The following LRMDA variants were observed in gnomAD, a reference collection of about 807,000 sequenced individuals.
LRMDA encodes leucine rich melanocyte differentiation associated.
Under a neutral mutation model 29.8 loss-of-function variants are expected in LRMDA, and 18 were observed. That is an observed-to-expected ratio of 0.60 (90% CI 0.42 to 0.90). The LOEUF is 0.90. LRMDA is among the 40% of genes least tolerant of loss of function. LRMDA has a pLI of 0.00. For synonymous variants in LRMDA, 125 were observed against 109.4 expected, an observed-to-expected ratio of 1.14 and a Z score of -0.89; for missense variants, 273 against 273.9, an observed-to-expected ratio of 1.00 and a Z score of 0.02.
At chr10:76,291,909 C>T (rs938537513) in intron 5 of LRMDA, among the ~76,000 whole-genome samples, 6 of 123,324 alleles carry the variant, frequency 4.9e-5, no homozygotes, top group Non-Finnish European at 8.3e-5. Flanking sequence ...TACACCCACA[C>T]GTGCACACAC....
chr10:75,654,057 C>T (rs1841636386), intron 2 of LRMDA, among the ~76,000 whole-genome samples: 1 of 149,592 alleles, frequency 6.7e-6, no homozygotes, highest in Admixed American at 6.6e-5. Flanking sequence ...CCCTCGTGAT[C>T]AGGCACTGCC....
intron 2 of LRMDA, among the ~76,000 whole-genome samples, chr10:75,569,862 A>G (rs1294673434): frequency 1.3e-5 from 2 of 152,214 alleles, no homozygotes; most frequent in African/African-American, 4.8e-5. Context: ...CCACATTTTA[A>G]TGTCTTTGCT....
At chr10:75,982,733 A>G (rs1335946889) in intron 2 of LRMDA, among the ~76,000 whole-genome samples, 1 of 152,190 alleles carries the variant, frequency 6.6e-6, no homozygotes, top group East Asian at 1.9e-4. Flanking sequence ...TGAGATTATT[A>G]TTACATGGTA....
intron 2 of LRMDA, among the ~76,000 whole-genome samples, chr10:75,792,045 G>A (rs903738935): frequency 7.3e-5 from 11 of 151,724 alleles, no homozygotes; most frequent in Admixed American, 5.2e-4. Flanking sequence ...ATTTTTAGTA[G>A]AGATGGGGTT....
At chr10:75,784,764 C>T (rs1261065500) in intron 2 of LRMDA, among the ~76,000 whole-genome samples, 1 of 151,238 alleles carries the variant, frequency 6.6e-6, no homozygotes, top group African/African-American at 2.4e-5. Context: ...TCAACAGTCT[C>T]AAAGGAAGAA....
chr10:76,036,939 C>T (rs768746701), intron 3 of LRMDA, among the ~76,000 whole-genome samples: 1 of 152,168 alleles, frequency 6.6e-6, no homozygotes, highest in Non-Finnish European at 1.5e-5. Flanking sequence ...CTGTTCTTCA[C>T]ACTAAGAATA....
intron 6 of LRMDA, among the ~76,000 whole-genome samples, chr10:76,352,246 G>A (rs1049265986): frequency 9.9e-5 from 15 of 152,022 alleles, no homozygotes; most frequent in Non-Finnish European, 2.2e-4. Context: ...TTATTTTTTT[G>A]TGTGTACATT....
chr10:76,470,140 C>G (rs563604194), intron 6 of LRMDA, among the ~76,000 whole-genome samples: 110 of 152,110 alleles, frequency 7.2e-4, no homozygotes, highest in African/African-American at 2.5e-3. Context: ...TCTAAGTAAA[C>G]AAAAACTGAG....
chr10:76,344,462 A>G (rs939732526), intron 6 of LRMDA, among the ~76,000 whole-genome samples: 6 of 152,312 alleles, frequency 3.9e-5, no homozygotes, highest in Admixed American at 2.6e-4. Flanking sequence ...TATGTCATTT[A>G]CCTCTTTGTA....
intron 6 of LRMDA, among the ~76,000 whole-genome samples, chr10:76,363,141 G>T (rs1841333668): frequency 3.2e-5 from 1 of 31,144 alleles, no homozygotes; most frequent in Non-Finnish European, 6.5e-5. Flanking sequence ...AAGAAAGAAA[G>T]AAAGAAAGAA....
chr10:76,350,971 T>G (rs550138889), intron 6 of LRMDA, among the ~76,000 whole-genome samples: 1 of 152,102 alleles, frequency 6.6e-6, no homozygotes, highest in Non-Finnish European at 1.5e-5. Context: ...AAATCTCTAT[T>G]AAAAACCACC....
intron 6 of LRMDA, among the ~76,000 whole-genome samples, chr10:76,524,491 C>A (rs1198033193): frequency 6.6e-6 from 1 of 152,122 alleles, no homozygotes; most frequent in African/African-American, 2.4e-5. Context: ...GCCAGATATC[C>A]TTTTCAGTGC....
chr10:76,027,807 T>C lies in LRMDA; in HGVS notation c.132-8201T>C, dbSNP rs78871941. Among the ~76,000 whole-genome samples, 1,169 of 152,330 alleles carry C rather than the reference T, an allele frequency of 7.7e-3. 4 individuals are homozygous for C. The highest frequency in any genetic ancestry group is 0.013 in the Non-Finnish European group (865 of 68,018). On this transcript the variant is annotated intron_variant, in intron 2 of 6. Transcript: ENST00000611255. ...GTACTATATTACATTGTGACTTAATTTGGGGTACTTAAATGTATAGCATGA... is the reference window on the plus strand; with the variant it reads ...GTACTATATTACATTGTGACTTAATCTGGGGTACTTAAATGTATAGCATGA...
At chr10:75,439,378 G>C (rs1844300604) in intron 2 of LRMDA, among the ~76,000 whole-genome samples, 1 of 152,210 alleles carries the variant, frequency 6.6e-6, no homozygotes, top group Non-Finnish European at 1.5e-5. Context: ...ATAAGAACCT[G>C]AATTCCATTC....
chr10:76,408,791 T>C (rs1022167239), intron 6 of LRMDA, among the ~76,000 whole-genome samples: 1 of 152,204 alleles, frequency 6.6e-6, no homozygotes, highest in Non-Finnish European at 1.5e-5. Flanking sequence ...GGCAATTTCT[T>C]CCTTCCTCAC....
intron 5 of LRMDA, among the ~76,000 whole-genome samples, chr10:76,311,003 G>A (rs527833094): frequency 1.4e-4 from 22 of 152,260 alleles, no homozygotes; most frequent in African/African-American, 5.3e-4. Flanking sequence ...GGGATTCAGT[G>A]TCTGAGAACT....
intron 6 of LRMDA, among the ~76,000 whole-genome samples, chr10:76,436,691 G>A (rs1842248349): frequency 6.6e-6 from 1 of 152,184 alleles, no homozygotes; most frequent in South Asian, 2.1e-4. Flanking sequence ...AGGTTCCAGG[G>A]ATATACAGGG....
chr10:75,632,784 T>TG (rs1841341866), intron 2 of LRMDA, among the ~76,000 whole-genome samples: 1 of 129,944 alleles, frequency 7.7e-6, no homozygotes, highest in African/African-American at 3.1e-5. Flanking sequence ...TTAGTTTAGT[T>TG]TTTTTTTTTT....
At chr10:76,434,878 G>A (rs183485285) in intron 6 of LRMDA, among the ~76,000 whole-genome samples, 5 of 152,158 alleles carry the variant, frequency 3.3e-5, no homozygotes, top group African/African-American at 1.2e-4. Context: ...CTTTTGAGTT[G>A]TATTCATTTG....
Sources: allele counts gnomAD v4.1 joint callset (sites outside exome capture counted in the v4.1 genomes callset), GRCh38; gene constraint gnomAD v4.1.1; transcripts MANE v1.5; gene names NCBI Gene and HGNC (gene_info 2026-07-23, HGNC 2026-07-21).